ZCCHC14: variants seen among roughly 807,000 people sequenced by gnomAD.
The protein encoded by ZCCHC14 is zinc finger CCHC domain-containing protein 14.
Under a neutral mutation model 85.0 loss-of-function variants are expected in ZCCHC14, and 16 were observed. The observed-to-expected ratio is 0.19, with a 90% confidence interval of 0.13 to 0.29. The LOEUF is 0.29. ZCCHC14 is among the 10% of genes least tolerant of loss of function. The probability of loss-of-function intolerance (pLI) is 1.00; values close to 1 mark genes in which losing one functional copy is unlikely to be tolerated. For synonymous variants in ZCCHC14, 775 were observed against 630.7 expected (o/e 1.23, Z -3.43); for missense variants, 1,303 against 1,443.5 (o/e 0.90, Z 1.58).
chr16:87,479,673 C>T (rs1238331211), intron 1 of ZCCHC14, among the ~76,000 whole-genome samples: 2 of 152,066 alleles, frequency 1.3e-5, no homozygotes, highest in Admixed American at 6.6e-5. Context: ...GTTTTAAAAG[C>T]ATTAAAGAAA....
At chr16:87,461,504 A>C (rs1389162293) in intron 1 of ZCCHC14, among the ~76,000 whole-genome samples, 1 of 152,224 alleles carries the variant, frequency 6.6e-6, no homozygotes, top group African/African-American at 2.4e-5. Context: ...GGGAAAGTAC[A>C]TGGCACAAGC....
intron 1 of ZCCHC14, among the ~76,000 whole-genome samples, chr16:87,460,443 A>C (rs772964385): frequency 1.3e-5 from 2 of 152,204 alleles, no homozygotes; most frequent in Non-Finnish European, 2.9e-5. Flanking sequence ...TTATCCCAGC[A>C]CTTTAGGAGG....
At chr16:87,465,585 C>T (rs1348662183) in intron 1 of ZCCHC14, among the ~76,000 whole-genome samples, 1 of 152,180 alleles carries the variant, frequency 6.6e-6, no homozygotes, top group Non-Finnish European at 1.5e-5. Context: ...GCCTCTGGCT[C>T]TTATGCAATC....
Position 87,412,791 on chromosome 16 carries a change from T to C in ZCCHC14, c.1930A>G (p.Ile644Val), listed in dbSNP as rs1908542215. 1 of 1,613,382 alleles carries C rather than the reference T, an allele frequency of 6.2e-7. No individual in the cohort carries two copies. Among genetic ancestry groups the C allele is most frequent in the Non-Finnish European group, 8.5e-7 (1 of 1,179,590 alleles). The change falls in exon 12 of 13, where the codon ATC becomes GTC. Residue 644 changes from isoleucine (I) to valine (V), a missense_variant. By Grantham distance (29) the Ile-to-Val change is conservative. Transcript: ENST00000671377. ...MLSAASHITP[I>V]RMLNSVHKPE... ...TTGTGCACGGAATTCAGCATGCGGA[T>C]GGGTGTGATGTGTGAGGCTGCGCTC...
At chr16:87,415,961 C>CT (rs1451949427) in intron 8 of ZCCHC14, among the ~76,000 whole-genome samples, 1 of 152,118 alleles carries the variant, frequency 6.6e-6, no homozygotes, top group Non-Finnish European at 1.5e-5. Flanking sequence ...GAGTTTCACT[C>CT]TGTCACCTAG....
chr16:87,411,558 C>A lies in ZCCHC14; in HGVS notation c.3163G>T (p.Ala1055Ser). Residue 1055 changes from alanine (A) to serine (S), a missense_variant, in exon 12 of 13, where the codon GCC becomes TCC. By Grantham distance (99) the Ala-to-Ser change is moderately conservative. Around this residue, in one of 7 missense-constraint regions of ZCCHC14, gnomAD observed 797 missense variants for 730.8 expected, o/e 1.09. Coordinates refer to ENST00000671377, the MANE Select transcript of ZCCHC14 (RefSeq NM_015144.3). ...CYNCGATGHRAQDCKQPSMDF... is the reference protein window; with the variant it reads ...CYNCGATGHRSQDCKQPSMDF... ...ATGGACGGCTGTTTGCAGTCCTGGGCGCGGTGACCAGTGGCCCCGCAGTTG... is the reference window on the plus strand; with the variant it reads ...ATGGACGGCTGTTTGCAGTCCTGGGAGCGGTGACCAGTGGCCCCGCAGTTG... 6.2e-7 allele frequency: 1 copy of A among 1,613,688 alleles called. No homozygotes were observed.
At chr16:87,431,535 T>C (rs1909663811) in intron 3 of ZCCHC14, among the ~76,000 whole-genome samples, 1 of 150,398 alleles carries the variant, frequency 6.6e-6, no homozygotes, top group Admixed American at 6.6e-5. Flanking sequence ...GCCGGTCAGG[T>C]TGTATGAAGT....
In ZCCHC14 at chr16:87,492,269, G is replaced by C; in HGVS notation, c.-31C>G. On this transcript the variant is annotated 5_prime_UTR_variant, in exon 1 of 13. Coordinates refer to ENST00000671377, the MANE Select transcript of ZCCHC14 (RefSeq NM_015144.3). This position sits in a 1 kb window ranked among gnomAD's most constrained non-coding sequence, Gnocchi z 6.7. ...CGCCCGCGCCGCGCCGCGACCCGGG[G>C]CCGGGGACCGCGCGGGGGCGGCCGG... 1.0e-6 allele frequency: 1 copy of C among 978,612 alleles called. No homozygotes were observed. Among genetic ancestry groups the C allele is most frequent in the Non-Finnish European group, 1.2e-6 (1 of 827,164 alleles). 60.6% of individuals were successfully genotyped at this position (978,612 alleles called of 1,614,324 possible).
Position 87,492,379 on chromosome 16 carries a change from C to A in ZCCHC14, c.-141G>T, listed in dbSNP as rs2150783646. 1 of 145,474 alleles carries A rather than the reference C, an allele frequency of 6.9e-6. No homozygotes were observed. Among genetic ancestry groups the A allele is most frequent in the African/African-American group, 2.5e-5 (1 of 39,594 alleles). The allele number at this position is 145,474 out of a possible 1,614,324, so 9.0% of individuals were successfully genotyped here. A position where few individuals can be genotyped will look rare whatever the true frequency, so the allele number is the denominator to read the frequency against. ...GGTCCGGGCGAGGGCGCGCGGGCGC[C>A]GCGGGCCGGGCGGGCGCCGGGGCGG... On this transcript the variant is annotated 5_prime_UTR_variant, in exon 1 of 13. Coordinates refer to ENST00000671377, the MANE Select transcript of ZCCHC14 (RefSeq NM_015144.3). The surrounding 1 kb of genome is among the most constrained non-coding windows in gnomAD (Gnocchi z 6.7).
At chr16:87,434,907 C>T (rs1909839981) in intron 2 of ZCCHC14, among the ~76,000 whole-genome samples, 1 of 145,336 alleles carries the variant, frequency 6.9e-6, no homozygotes, top group Non-Finnish European at 1.5e-5. Context: ...AGGAGAATTG[C>T]TTGAACCTGG....
At chr16:87,433,737 G>A (rs747453039) in intron 2 of ZCCHC14, among the ~76,000 whole-genome samples, 1 of 152,010 alleles carries the variant, frequency 6.6e-6, no homozygotes, top group African/African-American at 2.4e-5. Flanking sequence ...TGCCTCCTGG[G>A]TTCAAGCGAT....
intron 1 of ZCCHC14, among the ~76,000 whole-genome samples, chr16:87,488,788 G>C (rs1046514249): frequency 3.3e-5 from 5 of 152,136 alleles, no homozygotes; most frequent in African/African-American, 1.2e-4. Flanking sequence ...GTGTTGCCCA[G>C]GCTGGTGTTG....
intron 4 of ZCCHC14, among the ~76,000 whole-genome samples, 157 bp downstream of exon 4, chr16:87,423,653 C>A (rs532983423): frequency 6.6e-6 from 1 of 152,332 alleles, no homozygotes; most frequent in Non-Finnish European, 1.5e-5. Flanking sequence ...ATGTCAGCAG[C>A]GGGCCTGGGA....
At chr16:87,444,384 C>T (rs118088432) in intron 2 of ZCCHC14, among the ~76,000 whole-genome samples, 10 of 152,216 alleles carry the variant, frequency 6.6e-5, no homozygotes, top group South Asian at 6.2e-4. Context: ...ATCAGAGTAA[C>T]GACATTAATG....
chr16:87,459,710 T>G (rs1035062867), intron 2 of ZCCHC14, among the ~76,000 whole-genome samples: 2 of 152,122 alleles, frequency 1.3e-5, no homozygotes, highest in Non-Finnish European at 1.5e-5. Context: ...GGTTTCTTCA[T>G]GTTGGTCAGG....
chr16:87,463,983 C>G (rs999813330), intron 1 of ZCCHC14, among the ~76,000 whole-genome samples: 10 of 152,164 alleles, frequency 6.6e-5, no homozygotes, highest in South Asian at 2.1e-4. Context: ...GCACGCACAG[C>G]TGAGAGTGAG....
At chr16:87,449,818 G>A (rs1327763448) in intron 2 of ZCCHC14, among the ~76,000 whole-genome samples, 1 of 152,184 alleles carries the variant, frequency 6.6e-6, no homozygotes, top group Non-Finnish European at 1.5e-5. Context: ...GCCGAGGTGG[G>A]TGGATGGCTT....
intron 2 of ZCCHC14, among the ~76,000 whole-genome samples, chr16:87,449,515 C>A (rs11644573): frequency 6.6e-6 from 1 of 151,848 alleles, no homozygotes; most frequent in Non-Finnish European, 1.5e-5. Context: ...AATTCAGCAA[C>A]GCCACCAAGA....
intron 3 of ZCCHC14, 94 bp downstream of exon 3, chr16:87,433,034 G>C (rs956353790): frequency 2.4e-6 from 3 of 1,251,394 alleles, no homozygotes; most frequent in African/African-American, 3.0e-5. Flanking sequence ...CTTTGCACAA[G>C]GCACAGCCTT....
Sources: allele counts gnomAD v4.1 joint callset (sites outside exome capture counted in the v4.1 genomes callset), GRCh38; gene constraint gnomAD v4.1.1; regional missense constraint gnomAD v4.1.1; non-coding constraint Gnocchi (gnomAD v3.1); transcripts MANE v1.5; gene names NCBI Gene and HGNC (gene_info 2026-07-23, HGNC 2026-07-21).